OGN: variants seen among roughly 807,000 people sequenced by gnomAD.
OGN encodes the protein osteoglycin, also known as mimecan.
OGN carries 19 observed loss-of-function variants against 30.8 expected under a neutral mutation model. That is an observed-to-expected ratio of 0.62 (90% CI 0.43 to 0.90). The LOEUF (loss-of-function observed/expected upper bound fraction) is 0.90, where lower values mean the gene tolerates loss of function less well. OGN is among the 40% of genes least tolerant of loss of function. OGN has a pLI of 0.00. For missense variants in OGN, 283 were observed against 349.7 expected (o/e 0.81, Z 1.52); for synonymous variants, 126 against 128.3 (o/e 0.98, Z 0.12).
chr9:92,388,965 TA>T (rs1842555139), intron 5 of OGN, among the ~76,000 whole-genome samples: 1 of 152,076 alleles, frequency 6.6e-6, no homozygotes, highest in South Asian at 2.1e-4. Flanking sequence ...TGAATAAAGA[TA>T]CCTTAATTGT....
In OGN at chr9:92,393,194, C is replaced by A; in HGVS notation, c.319G>T (p.Glu107Ter). 6.2e-7 allele frequency: 1 copy of A among 1,613,762 alleles called. No homozygotes were observed. The highest frequency in any genetic ancestry group is 8.5e-7 in the Non-Finnish European group (1 of 1,179,792). The change falls in exon 4 of 7, where the codon GAA (glutamate) becomes TAA (stop). Residue 107 changes from glutamate to a stop codon, truncating the protein, a stop_gained. Transcript: ENST00000375561. LOFTEE classifies it high-confidence loss of function. ...GGTACAGCATCAATGTCAACTTCTT[C>A]ACAGTATACAGAGCCACTTAAACAA... ...CVCLSGSVYC[E>*]EVDIDAVPPL...
rs893697067 is a variant in OGN, at chr9:92,385,498, T to C, written c.*122A>G. 39 of 847,448 alleles carry C rather than the reference T, an allele frequency of 4.6e-5. No individual in the cohort carries two copies. Among genetic ancestry groups the C allele is most frequent in the Non-Finnish European group, 6.7e-5 (37 of 551,796 alleles). 52.5% of individuals were successfully genotyped at this position (847,448 alleles called of 1,614,324 possible). A position where few individuals can be genotyped will look rare whatever the true frequency, so the allele number is the denominator to read the frequency against. ...ATTTTGAACATCCTTGCTTAAAATA[T>C]TAAATTCCTTCAAAATGAGATACAA... is the stretch of plus-strand genomic sequence containing the variant. On this transcript the variant is annotated 3_prime_UTR_variant, in exon 7 of 7. Coordinates refer to ENST00000375561, the MANE Select transcript of OGN (RefSeq NM_014057.5).
chr9:92,385,065 T>C lies in OGN; in HGVS notation c.*555A>G, dbSNP rs1438615548. 6.6e-6 allele frequency: 1 copy of C among 152,642 alleles called. No homozygotes were observed. Among genetic ancestry groups the C allele is most frequent in the East Asian group, 1.9e-4 (1 of 5,200 alleles). 9.5% of individuals were successfully genotyped at this position (152,642 alleles called of 1,614,324 possible). On this transcript the variant is annotated 3_prime_UTR_variant, in exon 7 of 7. Transcript: ENST00000375561. Reference sequence around the variant, plus strand: ...GAAAGTTTTCCTAAATATGAGACTATCTGCTATTTCTCAGACTAAGTGAAA... The same window carrying C: ...GAAAGTTTTCCTAAATATGAGACTACCTGCTATTTCTCAGACTAAGTGAAA...
intron 3 of OGN, among the ~76,000 whole-genome samples, chr9:92,399,601 C>T (rs899892161): frequency 6.6e-6 from 1 of 152,162 alleles, no homozygotes; most frequent in Non-Finnish European, 1.5e-5. Context: ...GATTTTGAGG[C>T]ACCCTGCACC....
intron 3 of OGN, among the ~76,000 whole-genome samples, chr9:92,400,815 A>G (rs1458245011): frequency 1.3e-5 from 2 of 152,222 alleles, no homozygotes; most frequent in African/African-American, 4.8e-5. Context: ...GTGTTTAAGT[A>G]TTTCTCGAAT....
chr9:92,395,497 A>C (rs1361962967), intron 3 of OGN, among the ~76,000 whole-genome samples: 1 of 152,178 alleles, frequency 6.6e-6, no homozygotes, highest in Non-Finnish European at 1.5e-5. Flanking sequence ...GTGTGGACTT[A>C]ATGCTTTCAT....
chr9:92,399,964 T>C (rs1843040945), intron 3 of OGN, among the ~76,000 whole-genome samples: 2 of 152,228 alleles, frequency 1.3e-5, no homozygotes. Context: ...TACTGTTTAC[T>C]GTTTCCCTTG....
chr9:92,392,621 G>T (rs544652182), intron 4 of OGN, among the ~76,000 whole-genome samples: 32 of 151,576 alleles, frequency 2.1e-4, no homozygotes, highest in South Asian at 4.2e-4. Context: ...TGTCGGGTTG[G>T]GGGGAGGGGG....
intron 3 of OGN, among the ~76,000 whole-genome samples, chr9:92,394,223 T>C (rs921519529): frequency 6.6e-6 from 1 of 152,022 alleles, no homozygotes. Context: ...TTTATATATT[T>C]TGATATATTT....
At chr9:92,394,361 G>T (rs1367903896) in intron 3 of OGN, among the ~76,000 whole-genome samples, 1 of 151,234 alleles carries the variant, frequency 6.6e-6, no homozygotes, top group Non-Finnish European at 1.5e-5. Context: ...TTCTGCCTCA[G>T]CCTCCTGAGT....
At chr9:92,387,316 C>T (rs1381232160) in intron 5 of OGN, among the ~76,000 whole-genome samples, 3 of 150,728 alleles carry the variant, frequency 2.0e-5, no homozygotes, top group African/African-American at 7.3e-5. Context: ...GTGGAGGTTG[C>T]AGTGAGCCGA....
chr9:92,388,411 C>T (rs1001931823), intron 5 of OGN, among the ~76,000 whole-genome samples: 10 of 152,200 alleles, frequency 6.6e-5, no homozygotes, highest in Non-Finnish European at 1.0e-4. Flanking sequence ...ATCCGCCTGC[C>T]TCATCCTCCT....
intron 2 of OGN, 68 bp downstream of exon 2, chr9:92,403,166 G>A: frequency 9.1e-7 from 1 of 1,102,076 alleles, no homozygotes; most frequent in South Asian, 1.7e-5. Flanking sequence ...ACACATTCAG[G>A]AAAAGCAAAA....
chr9:92,389,986 A>C lies in OGN; in HGVS notation c.498T>G (p.Leu166=). The stretch of plus-strand genomic sequence containing the variant: ...CAAGTGAAAGTTCTTCTAACAGAGA[A>C]AGTTTTGAAAAAGTACCATCTTCTA... ...EDIEDGTFSK[L]SLLEELSLAE... Residue 166 remains leucine, a synonymous_variant, in exon 5 of 7, where the codon CTT becomes CTG. Transcript: ENST00000375561. The C allele has an allele frequency of 6.2e-7, 1 of 1,610,892 alleles. No homozygotes were observed. Among genetic ancestry groups the C allele is most frequent in the Non-Finnish European group, 8.5e-7 (1 of 1,177,402 alleles).
At chr9:92,399,872 A>G (rs1843037216) in intron 3 of OGN, among the ~76,000 whole-genome samples, 1 of 152,160 alleles carries the variant, frequency 6.6e-6, no homozygotes, top group Admixed American at 6.5e-5. Flanking sequence ...GTCTATTCAT[A>G]TACCAGTATC....
chr9:92,400,116 C>T (rs756420249), intron 3 of OGN, among the ~76,000 whole-genome samples: 2 of 151,916 alleles, frequency 1.3e-5, no homozygotes, highest in Non-Finnish European at 2.9e-5. Flanking sequence ...TGAGTCATTC[C>T]ATCCAAGAAC....
intron 3 of OGN, among the ~76,000 whole-genome samples, chr9:92,396,378 A>G (rs1198159436): frequency 6.6e-6 from 1 of 151,062 alleles, no homozygotes; most frequent in Non-Finnish European, 1.5e-5. Context: ...TGTTAATTAA[A>G]CAAAAAAAAA....
At position 92,383,623 on chromosome 9, in the gene OGN, G is replaced by A. The variant is rs191541824; in HGVS notation, c.*1997C>T. On this transcript the variant is annotated 3_prime_UTR_variant, in exon 7 of 7. Transcript: ENST00000375561. ...CTTCTGAATCTTGGTGGTATAATTT[G>A]TATTGTTTATTTTGTTTTATTTGTG... Among the ~76,000 whole-genome samples the A allele has an allele frequency of 9.2e-5, 14 of 151,864 alleles. No homozygotes were observed. The highest frequency in any genetic ancestry group is 3.1e-4 in the African/African-American group (13 of 41,462).
At chr9:92,401,655 C>T (rs1171600282) in intron 2 of OGN, among the ~76,000 whole-genome samples, 1 of 152,146 alleles carries the variant, frequency 6.6e-6, no homozygotes, top group Non-Finnish European at 1.5e-5. Context: ...TAGGTCTCTT[C>T]TTGGGGTGAC....
Sources: gnomAD v4.1 joint callset for allele counts (sites outside exome capture counted in the v4.1 genomes callset) on GRCh38, gnomAD v4.1.1 for gene constraint, MANE v1.5 for transcripts, NCBI Gene and HGNC (gene_info 2026-07-23, HGNC 2026-07-21) for gene names.